Variants in ME1 observed in about 807,000 individuals in gnomAD.
ME1 encodes the protein malic enzyme 1, also known as NADP-dependent malic enzyme.
In ME1, 74 loss-of-function variants were observed where a neutral mutation model predicts 66.4. The observed-to-expected ratio is 1.11, with a 90% CI of 0.92 to 1.35. The LOEUF is 1.35. Among genes scored for constraint, ME1 ranks in the 40% most tolerant of loss-of-function variants. The probability of loss-of-function intolerance (pLI) is 0.00; values close to 1 mark genes in which losing one functional copy is unlikely to be tolerated. For missense variants in ME1, 750 were observed against 694.1 expected (o/e 1.08, Z -0.90); for synonymous variants, 251 against 235.6 (o/e 1.07, Z -0.60).
intron 5 of ME1, among the ~76,000 whole-genome samples, chr6:83,329,550 T>C (rs1013464783): frequency 5.9e-5 from 9 of 152,208 alleles, no homozygotes; most frequent in South Asian, 2.1e-4. Context: ...TCATGAAATA[T>C]ACATATAAAT....
intron 1 of ME1, among the ~76,000 whole-genome samples, chr6:83,416,877 C>G (rs1360652519): frequency 1.4e-5 from 2 of 140,102 alleles, no homozygotes; most frequent in Non-Finnish European, 3.0e-5. Context: ...GGCTGGGTGA[C>G]AGAGTGAGAT....
At chr6:83,419,588 G>T (rs1433596903) in intron 1 of ME1, among the ~76,000 whole-genome samples, 2 of 152,104 alleles carry the variant, frequency 1.3e-5, no homozygotes, top group Admixed American at 6.6e-5. Context: ...TTAGGGAGGG[G>T]AACCAGCTAG....
At chr6:83,414,499 T>C (rs543671711) in intron 1 of ME1, among the ~76,000 whole-genome samples, 2 of 152,238 alleles carry the variant, frequency 1.3e-5, no homozygotes, top group South Asian at 4.1e-4. Context: ...CCCTAAAATT[T>C]ACAGCAAAAT....
intron 2 of ME1, among the ~76,000 whole-genome samples, 154 bp downstream of exon 2, chr6:83,407,613 AT>A (rs1358832040): frequency 6.6e-6 from 1 of 152,218 alleles, no homozygotes; most frequent in Non-Finnish European, 1.5e-5. Flanking sequence ...AAGAGAGTAA[AT>A]TTTTTAAAAA....
intron 6 of ME1, among the ~76,000 whole-genome samples, chr6:83,314,299 A>T (rs1282195883): frequency 6.6e-6 from 1 of 152,206 alleles, no homozygotes; most frequent in Non-Finnish European, 1.5e-5. Context: ...ATGCTCCAAA[A>T]TCTGAAACAT....
intron 13 of ME1, among the ~76,000 whole-genome samples, chr6:83,215,304 G>A (rs1476897248): frequency 6.6e-6 from 1 of 152,118 alleles, no homozygotes; most frequent in Non-Finnish European, 1.5e-5. Context: ...AAACAGCTTT[G>A]GTTGATACAA....
chr6:83,281,852 AG>A (rs1767299977), intron 6 of ME1, among the ~76,000 whole-genome samples: 2 of 126,810 alleles, frequency 1.6e-5, no homozygotes, highest in Admixed American at 7.7e-5. Context: ...AAAACAAAAA[AG>A]AGAAAAAAAA....
chr6:83,406,534 G>A (rs765404672), intron 2 of ME1, among the ~76,000 whole-genome samples: 2 of 151,938 alleles, frequency 1.3e-5, no homozygotes, highest in African/African-American at 4.8e-5. Context: ...CCATTTTTAC[G>A]ACCTAATCAT....
At chr6:83,217,478 C>A (rs1790015126) in intron 12 of ME1, among the ~76,000 whole-genome samples, 1 of 152,126 alleles carries the variant, frequency 6.6e-6, no homozygotes, top group Non-Finnish European at 1.5e-5. Context: ...ATGCACTGAA[C>A]AAGCATAACA....
chr6:83,329,695 G>A (rs1768368368), intron 5 of ME1, among the ~76,000 whole-genome samples: 1 of 152,056 alleles, frequency 6.6e-6, no homozygotes, highest in Admixed American at 6.6e-5. Context: ...TTTTTCATAA[G>A]TTTATTGACC....
intron 1 of ME1, among the ~76,000 whole-genome samples, chr6:83,410,263 T>G (rs538547644): frequency 6.6e-6 from 1 of 152,202 alleles, no homozygotes; most frequent in South Asian, 2.1e-4. Flanking sequence ...GAATTTATTA[T>G]GAGAAAATTT....
At position 83,349,346 on chromosome 6, in the gene ME1, G is replaced by A. The variant is rs188088621; in HGVS notation, c.438+2718C>T. ...TTAACCTACTTTATCTCCTGCTTCA[G>A]AAAAATGAAGCAGTTGGATGTTTTC... On this transcript the variant is annotated intron_variant, in intron 4 of 13. Coordinates refer to ENST00000369705, the MANE Select transcript of ME1 (RefSeq NM_002395.6). 4.6e-3 allele frequency among the ~76,000 whole-genome samples: 695 copies of A among 152,174 alleles called. 2 individuals are homozygous for A. Among genetic ancestry groups the A allele is most frequent in the African/African-American group, 0.015 (637 of 41,516 alleles).
chr6:83,415,969 A>G (rs1198270003), intron 1 of ME1, among the ~76,000 whole-genome samples: 1 of 152,222 alleles, frequency 6.6e-6, no homozygotes, highest in African/African-American at 2.4e-5. Context: ...TAAGCCATAC[A>G]CTAGAAATTT....
chr6:83,339,618 C>A, intron 5 of ME1, among the ~76,000 whole-genome samples: 1 of 16,184 alleles, frequency 6.2e-5, no homozygotes, highest in Non-Finnish European at 1.3e-4. Context: ...GGCACATATA[C>A]ACCATGGAAT....
At chr6:83,286,656 T>C (rs533185980) in intron 6 of ME1, among the ~76,000 whole-genome samples, 1 of 152,280 alleles carries the variant, frequency 6.6e-6, no homozygotes, top group Non-Finnish European at 1.5e-5. Context: ...ATAAAAGGCA[T>C]ACTTGAAAGA....
At chr6:83,409,339 G>A (rs532432457) in intron 1 of ME1, among the ~76,000 whole-genome samples, 1 of 152,298 alleles carries the variant, frequency 6.6e-6, no homozygotes, top group East Asian at 1.9e-4. Flanking sequence ...TGCACTGAGT[G>A]ATTCTACAAT....
At chr6:83,392,522 C>A (rs1410199048) in intron 3 of ME1, 3 of 537,758 alleles carry the variant, frequency 5.6e-6, no homozygotes, top group East Asian at 4.9e-5. Context: ...ATCAATGACC[C>A]CTTCATTGAC....
At chr6:83,317,389 A>C (rs1314973729) in intron 5 of ME1, among the ~76,000 whole-genome samples, 3 of 151,642 alleles carry the variant, frequency 2.0e-5, no homozygotes, top group Non-Finnish European at 4.4e-5. Context: ...CATCCCTTGT[A>C]AGTTGGATTC....
At chr6:83,286,727 C>T (rs994934975) in intron 6 of ME1, among the ~76,000 whole-genome samples, 5 of 152,066 alleles carry the variant, frequency 3.3e-5, no homozygotes, top group African/African-American at 4.8e-5. Flanking sequence ...AACACAGGAG[C>T]AGGCTGGCTA....
Sources: allele counts gnomAD v4.1 joint callset (sites outside exome capture counted in the v4.1 genomes callset), GRCh38; gene constraint gnomAD v4.1.1; transcripts MANE v1.5; gene names NCBI Gene and HGNC (gene_info 2026-07-23, HGNC 2026-07-21).